The following PXN variants were observed in gnomAD, a reference collection of about 807,000 sequenced individuals.
The protein encoded by PXN is testicular tissue protein Li 134.
PXN carries 61 observed loss-of-function variants against 103.6 expected under a neutral mutation model. That is an observed-to-expected ratio of 0.59 (90% confidence interval 0.48 to 0.73). The LOEUF (loss-of-function observed/expected upper bound fraction) is 0.73, where lower values mean the gene tolerates loss of function less well. Ranked by LOEUF, PXN falls within the 30% of genes least tolerant of loss-of-function variation. The probability of loss-of-function intolerance (pLI) is 0.00; values close to 1 mark genes in which losing one functional copy is unlikely to be tolerated. For synonymous variants in PXN, 562 were observed against 607.8 expected (o/e 0.92, Z 1.11); for missense variants, 1,274 against 1,460.3 (o/e 0.87, Z 2.08).
At position 120,249,643 on chromosome 12, in the gene PXN, A is replaced by G. The variant is rs527469391; in HGVS notation, c.13+15974T>C. 2.0e-5 allele frequency among the ~76,000 whole-genome samples: 3 copies of G among 152,298 alleles called. No individual in the cohort carries two copies. The East Asian group carries it at 5.8e-4, about 29-fold the overall frequency. On this transcript the variant is annotated intron_variant, in intron 1 of 14. Coordinates refer to ENST00000637617, the MANE Select transcript of PXN (RefSeq NM_001385981.1). ...GCACAAACAGGATGTTTAGAAGCAG[A>G]TGACCACAAGTGACCACAGGAAGCC...
In PXN at chr12:120,224,226, G is replaced by C; in HGVS notation, c.165C>G (p.Ser55Arg). Residue 55 changes from serine to arginine, a missense_variant, in exon 2 of 15, where the codon AGC (serine) becomes AGG (arginine). Physicochemically the swap from Ser to Arg is moderately radical, Grantham distance 110 (BLOSUM62 -1). Coordinates refer to ENST00000637617, the MANE Select transcript of PXN (RefSeq NM_001385981.1). This position sits in a 1 kb window ranked among gnomAD's most constrained non-coding sequence, Gnocchi z 5.0. Reference protein sequence around the residue: ...VPPPVPPPPSSEALNGTILDP... With the variant: ...VPPPVPPPPSREALNGTILDP... Reference sequence around the variant, plus strand: ...CAAGGATTGTGCCATTGAGGGCCTCGCTGGACGGGGGTGGGGGGACGGGGG... The same window carrying C: ...CAAGGATTGTGCCATTGAGGGCCTCCCTGGACGGGGGTGGGGGGACGGGGG... The C allele has an allele frequency of 6.2e-7, 1 of 1,612,902 alleles. No homozygotes were observed. Among genetic ancestry groups the C allele is most frequent in the Non-Finnish European group, 8.5e-7 (1 of 1,179,334 alleles).
rs966996554 is a variant in PXN at position 120,215,649 on chromosome 12, C to T, written c.2314G>A (p.Glu772Lys). 6.8e-6 allele frequency: 11 copies of T among 1,610,122 alleles called. No homozygotes were observed. The highest frequency in any genetic ancestry group is 2.7e-5 in the African/African-American group (2 of 74,704). Residue 772 changes from glutamate (E) to lysine (K), a missense_variant, in exon 10 of 15, where the codon GAG (glutamate) becomes AAG (lysine). Glu to Lys is a moderately conservative substitution (Grantham distance 56, BLOSUM62 1). Around this residue, in one of 2 missense-constraint regions of PXN, gnomAD observed 1,178 missense variants for 1,309.0 expected, o/e 0.90. Transcript: ENST00000637617. This position sits in a 1 kb window ranked among gnomAD's most constrained non-coding sequence, Gnocchi z 4.9. ...CACCGCTCCCCATCCGCTCTTTGCTCCAGGCCCTGGATCTTAGATAGGGGA... is the reference window on the plus strand; with the variant it reads ...CACCGCTCCCCATCCGCTCTTTGCTTCAGGCCCTGGATCTTAGATAGGGGA... ...LFPPMQIQGL[E>K]QRADGERCWA...
chr12:120,235,916 A>T (rs1302177728), intron 1 of PXN, among the ~76,000 whole-genome samples: 1 of 152,206 alleles, frequency 6.6e-6, no homozygotes, highest in Non-Finnish European at 1.5e-5. Flanking sequence ...CGCAGAGATG[A>T]CATCAGAATC....
intron 1 of PXN, among the ~76,000 whole-genome samples, chr12:120,253,625 T>G (rs1304743133): frequency 6.6e-6 from 1 of 152,216 alleles, no homozygotes; most frequent in East Asian, 1.9e-4. Context: ...CCTCTGAAAG[T>G]AGAAAATAAC....
chr12:120,219,605 C>T lies in PXN; in HGVS notation c.1318G>A (p.Ala440Thr). ...ALAATWEQPW[A>T]SEVFGPERMP... ...CTCTCAGGCCCGAATACCTCCGAAG[C>T]CCATGGCTGCTCCCATGTGGCAGCC... The change falls in exon 7 of 15, where the codon GCT (alanine) becomes ACT (threonine). Residue 440 changes from alanine (A) to threonine (T), a missense_variant. By Grantham distance (58) the Ala-to-Thr change is moderately conservative. Transcript: ENST00000637617. The surrounding 1 kb of genome is among the most constrained non-coding windows in gnomAD (Gnocchi z 6.5). 6.4e-7 allele frequency: 1 copy of T among 1,564,964 alleles called. No homozygotes were observed.
intron 1 of PXN, among the ~76,000 whole-genome samples, chr12:120,239,443 A>G (rs1889754277): frequency 6.6e-6 from 1 of 152,116 alleles, no homozygotes; most frequent in Non-Finnish European, 1.5e-5. Flanking sequence ...TTAGCCAGGC[A>G]TGGTGGCGCA....
intron 1 of PXN, chr12:120,226,757 C>T (rs1204178125): frequency 1.9e-6 from 2 of 1,079,988 alleles, no homozygotes; most frequent in Non-Finnish European, 2.3e-6. Flanking sequence ...TGCCAGCTCC[C>T]CTCTCTACCA....
chr12:120,257,040 T>G (rs1290006170), intron 1 of PXN, among the ~76,000 whole-genome samples: 2 of 152,072 alleles, frequency 1.3e-5, no homozygotes, highest in East Asian at 1.9e-4. Flanking sequence ...TTTTTATGTT[T>G]TAGAAGAGGC....
At chr12:120,238,284 G>A (rs1473439344) in intron 1 of PXN, among the ~76,000 whole-genome samples, 3 of 152,174 alleles carry the variant, frequency 2.0e-5, no homozygotes, top group Admixed American at 1.3e-4. Flanking sequence ...ATGAGACCAC[G>A]TCGTAGTTAG....
intron 1 of PXN, chr12:120,247,476 T>C (rs960068022): frequency 2.0e-5 from 3 of 153,366 alleles, no homozygotes; most frequent in Non-Finnish European, 2.9e-5. Context: ...TCCGTGGAAC[T>C]AGAGGTGGCA....
intron 1 of PXN, among the ~76,000 whole-genome samples, chr12:120,241,390 G>A (rs901702099): frequency 7.3e-4 from 111 of 152,170 alleles, no homozygotes; most frequent in Admixed American, 1.3e-4. Context: ...ATGTGGCCTC[G>A]CTTGGGTATC....
chr12:120,214,031 T>C lies in PXN; in HGVS notation c.2831-41A>G, dbSNP rs752019807. The C allele has an allele frequency of 6.2e-7, 1 of 1,601,926 alleles. No homozygotes were observed. Among genetic ancestry groups the C allele is most frequent in the East Asian group, 2.2e-5 (1 of 44,488 alleles). ...TTTGGAGGCACAGTTCATTCCGGCTTCCAGAAGTGGAGCCACTCTGACTCC... is the reference window on the plus strand; with the variant it reads ...TTTGGAGGCACAGTTCATTCCGGCTCCCAGAAGTGGAGCCACTCTGACTCC... On this transcript the variant is annotated intron_variant, in intron 13 of 14. Transcript: ENST00000637617. The surrounding 1 kb of genome is among the most constrained non-coding windows in gnomAD (Gnocchi z 5.0).
At position 120,222,551 on chromosome 12, in the gene PXN, G is replaced by A. The variant is rs780909400; in HGVS notation, c.693C>T (p.Pro231=). 4.6e-5 allele frequency: 73 copies of A among 1,594,218 alleles called. No individual in the cohort carries two copies. The Admixed American group carries it at 1.1e-3, about 24-fold the overall frequency. ...LDELESSVPS[P]VPAITVNQGE... Reference sequence around the variant, plus strand: ...GGGAGGGCCCAGTGGGTACTCACACGGGGCTGGGCACGGAGCTCTCCAGTT... The same window carrying A: ...GGGAGGGCCCAGTGGGTACTCACACAGGGCTGGGCACGGAGCTCTCCAGTT... Residue 231 remains proline, a splice_region_variant and synonymous_variant, in exon 5 of 15, where the codon CCC becomes CCT. Transcript: ENST00000637617. The surrounding 1 kb of genome is among the most constrained non-coding windows in gnomAD (Gnocchi z 4.7).
At position 120,237,202 on chromosome 12, in the gene PXN, A is replaced by G. The variant is rs549803018; in HGVS notation, c.14-12825T>C. On this transcript the variant is annotated intron_variant, in intron 1 of 14. Coordinates refer to ENST00000637617, the MANE Select transcript of PXN (RefSeq NM_001385981.1). Reference sequence around the variant, plus strand: ...ACACAGAATCTCACTTCTATTGCCCAGGCTGGGGTACAGTGGCATGATCAC... The same window carrying G: ...ACACAGAATCTCACTTCTATTGCCCGGGCTGGGGTACAGTGGCATGATCAC... 4.6e-5 allele frequency among the ~76,000 whole-genome samples: 7 copies of G among 151,138 alleles called. No homozygotes were observed. The East Asian group carries it at 1.4e-3, about 30-fold the overall frequency.
rs1169346215 is a variant in PXN at position 120,249,999 on chromosome 12, GCTGCCAAGTCGTGTCTCTGAGGA to G, written c.13+15595_13+15617del. 110 of 985,472 alleles carry G rather than the reference GCTGCCAAGTCGTGTCTCTGAGGA, an allele frequency of 1.1e-4. No individual in the cohort carries two copies. The African/African-American group carries it at 1.8e-3, about 16-fold the overall frequency. 61.0% of individuals were successfully genotyped at this position (985,472 alleles called of 1,614,324 possible). On this transcript the variant is annotated intron_variant, in intron 1 of 14. Coordinates refer to ENST00000637617, the MANE Select transcript of PXN (RefSeq NM_001385981.1). The stretch of plus-strand genomic sequence containing the variant: ...CATGTGACCAGGCAGGCTCAGGAGG[GCTGCCAAGTCGTGTCTCTGAGGA>G]GTGACTGCAGTGTTCCAGGCATCAC...
At position 120,228,918 on chromosome 12, in the gene PXN, C is replaced by T. The variant is rs563181721; in HGVS notation, c.14-4541G>A. ...GTGGCTGGGCAGAAACAGTGCACTA[C>T]GGCCAGGCTGAGAGGAAGAAGCCCT... On this transcript the variant is annotated intron_variant, in intron 1 of 14. Coordinates refer to ENST00000637617, the MANE Select transcript of PXN (RefSeq NM_001385981.1). The surrounding 1 kb of genome is among the most constrained non-coding windows in gnomAD (Gnocchi z 4.7). Among the ~76,000 whole-genome samples, 4 of 152,252 alleles carry T rather than the reference C, an allele frequency of 2.6e-5. No homozygotes were observed. Among genetic ancestry groups the T allele is most frequent in the South Asian group, 2.1e-4 (1 of 4,820 alleles).
chr12:120,250,149 G>C (rs1891916387), intron 1 of PXN: 1 of 985,704 alleles, frequency 1.0e-6, no homozygotes, highest in South Asian at 4.7e-5. Context: ...CGAGCCAGGA[G>C]TACACAGGGG....
rs1594346625 is a variant in PXN at position 120,215,505 on chromosome 12, C to A, written c.2403+55G>T. 4.6e-6 allele frequency: 7 copies of A among 1,522,616 alleles called. No homozygotes were observed. The African/African-American group carries it at 8.3e-5, about 18-fold the overall frequency. 94.3% of individuals were successfully genotyped at this position (1,522,616 alleles called of 1,614,324 possible). On this transcript the variant is annotated intron_variant, in intron 10 of 14. Coordinates refer to ENST00000637617, the MANE Select transcript of PXN (RefSeq NM_001385981.1). The surrounding 1 kb of genome is among the most constrained non-coding windows in gnomAD (Gnocchi z 4.9). ...GGCTGAGGGCACCCAGCAGGCATGG[C>A]CAAGCCCAGGGAGAGCACGACACGC...
At position 120,214,239 on chromosome 12, in the gene PXN, T is replaced by A. The variant is rs1881665765; in HGVS notation, c.2749-22A>T. 1 of 1,547,022 alleles carries A rather than the reference T, an allele frequency of 6.5e-7. No individual in the cohort carries two copies. Among genetic ancestry groups the A allele is most frequent in the Non-Finnish European group, 8.7e-7 (1 of 1,143,088 alleles). On this transcript the variant is annotated intron_variant, in intron 12 of 14. Coordinates refer to ENST00000637617, the MANE Select transcript of PXN (RefSeq NM_001385981.1). The surrounding 1 kb of genome is among the most constrained non-coding windows in gnomAD (Gnocchi z 5.0). The stretch of plus-strand genomic sequence containing the variant: ...CTTTCTGTGAAAGCAAAATGTGGGA[T>A]CAAGGCTGAGCTCTGGGCAGATCTC...
Sources: allele counts gnomAD v4.1 joint callset (sites outside exome capture counted in the v4.1 genomes callset), GRCh38; gene constraint gnomAD v4.1.1; regional missense constraint gnomAD v4.1.1; non-coding constraint Gnocchi (gnomAD v3.1); transcripts MANE v1.5; gene names NCBI Gene and HGNC (gene_info 2026-07-23, HGNC 2026-07-21).